CAMK1D: variants seen among roughly 807,000 people sequenced by gnomAD.
CAMK1D encodes the protein calcium/calmodulin dependent protein kinase ID, also known as calcium/calmodulin-dependent protein kinase type 1D.
In CAMK1D, 9 loss-of-function variants were observed where a neutral mutation model predicts 47.7. The ratio of observed to expected loss-of-function variants is 0.19; its 90% CI spans 0.11 to 0.33. The LOEUF (loss-of-function observed/expected upper bound fraction) is 0.33. Ranked by LOEUF, CAMK1D falls within the 10% of genes least tolerant of loss-of-function variation. CAMK1D has a pLI of 1.00. For synonymous variants in CAMK1D, 184 were observed against 184.9 expected (o/e 0.99, Z 0.04); for missense variants, 291 against 488.7 (o/e 0.60, Z 3.81).
chr10:12,423,973 TCCCTCATCAGGTGATA>T (rs1840142027), intron 1 of CAMK1D, among the ~76,000 whole-genome samples: 1 of 152,186 alleles, frequency 6.6e-6, no homozygotes, highest in Non-Finnish European at 1.5e-5. Flanking sequence ...GGTCCCCCCA[TCCCTCATCAGGTGATA>T]CCCTTCAAGG....
At chr10:12,714,459 G>A (rs972185625) in intron 3 of CAMK1D, among the ~76,000 whole-genome samples, 2 of 152,000 alleles carry the variant, frequency 1.3e-5, no homozygotes, top group African/African-American at 4.8e-5. Flanking sequence ...GGTGGCTCAC[G>A]CCTGTAATCC....
chr10:12,648,631 T>C (rs1293183524), intron 2 of CAMK1D, among the ~76,000 whole-genome samples: 2 of 151,984 alleles, frequency 1.3e-5, no homozygotes, highest in Non-Finnish European at 2.9e-5. Context: ...CCACCATGCC[T>C]GGCTAATTTT....
intron 4 of CAMK1D, among the ~76,000 whole-genome samples, chr10:12,767,251 C>T (rs11257980): frequency 0.25 from 38,180 of 152,052 alleles, 5,430 homozygotes; most frequent in Middle Eastern, 0.38. Flanking sequence ...ACTATCGGCT[C>T]ACTGCAACCT....
intron 1 of CAMK1D, among the ~76,000 whole-genome samples, chr10:12,522,622 C>T (rs1220639389): frequency 4.6e-5 from 7 of 152,026 alleles, no homozygotes; most frequent in African/African-American, 1.7e-4. Context: ...CAGCAACCAT[C>T]TGATTGCTCA....
Position 12,829,108 on chromosome 10 carries a change from C to T in CAMK1D, c.*221C>T. 1 of 507,548 alleles carries T rather than the reference C, an allele frequency of 2.0e-6. No individual in the cohort carries two copies. Among genetic ancestry groups the T allele is most frequent in the South Asian group, 2.5e-5 (1 of 39,834 alleles). The allele number at this position is 507,548 out of a possible 1,614,324, so 31.4% of individuals were successfully genotyped here. On this transcript the variant is annotated 3_prime_UTR_variant, in exon 11 of 11. Transcript: ENST00000619168. ...TCGAGGGGCGCTGATTTCATAGGAT[C>T]TGGTGCTGTATATACGAATCTTGCA...
chr10:12,788,313 C>T (rs114565552), intron 5 of CAMK1D, among the ~76,000 whole-genome samples: 298 of 152,264 alleles, frequency 2.0e-3, no homozygotes, highest in African/African-American at 7.0e-3. Context: ...GAGGTTGTGC[C>T]CTGAAGTTTG....
chr10:12,594,051 C>T (rs1402937850), intron 2 of CAMK1D, among the ~76,000 whole-genome samples: 1 of 152,188 alleles, frequency 6.6e-6, no homozygotes, highest in African/African-American at 2.4e-5. Context: ...TGGCACATGC[C>T]TGTAATCCCA....
chr10:12,474,924 C>T (rs973518813), intron 1 of CAMK1D, among the ~76,000 whole-genome samples: 2 of 151,706 alleles, frequency 1.3e-5, no homozygotes, highest in Admixed American at 6.6e-5. Context: ...CTGCAAAGGA[C>T]ATGATCTTGT....
At chr10:12,699,254 G>T (rs1588816412) in intron 3 of CAMK1D, among the ~76,000 whole-genome samples, 1 of 152,174 alleles carries the variant, frequency 6.6e-6, no homozygotes, top group African/African-American at 2.4e-5. Context: ...AAAATGCCTT[G>T]AGTGTCCAAA....
chr10:12,828,458 T>C (rs1051104600), intron 10 of CAMK1D, among the ~76,000 whole-genome samples: 2 of 151,984 alleles, frequency 1.3e-5, no homozygotes, highest in Non-Finnish European at 2.9e-5. Context: ...CTGGCCAACA[T>C]GGTGAAACCC....
At chr10:12,749,125 G>T (rs531533555) in intron 3 of CAMK1D, among the ~76,000 whole-genome samples, 1 of 152,180 alleles carries the variant, frequency 6.6e-6, no homozygotes, top group African/African-American at 2.4e-5. Flanking sequence ...CTGGAAGACA[G>T]CTCCTAAATT....
intron 1 of CAMK1D, among the ~76,000 whole-genome samples, chr10:12,363,361 TCTC>T (rs1837737154): frequency 6.6e-6 from 1 of 152,050 alleles, no homozygotes; most frequent in East Asian, 1.9e-4. Context: ...TTCCAGCAAT[TCTC>T]CTGCCTCAAC....
At chr10:12,737,689 T>G (rs1835248798) in intron 3 of CAMK1D, among the ~76,000 whole-genome samples, 2 of 152,334 alleles carry the variant, frequency 1.3e-5, no homozygotes, top group South Asian at 4.1e-4. Context: ...TTTGTATCGT[T>G]GAAAATTATC....
At chr10:12,627,697 T>C (rs1300523161) in intron 2 of CAMK1D, among the ~76,000 whole-genome samples, 1 of 152,242 alleles carries the variant, frequency 6.6e-6, no homozygotes, top group Admixed American at 6.5e-5. Flanking sequence ...TCATTCATGC[T>C]GTTGGGATTG....
chr10:12,722,445 TCAAAAAAAAAA>T (rs1834432677), intron 3 of CAMK1D, among the ~76,000 whole-genome samples: 1 of 3,110 alleles, frequency 3.2e-4, no homozygotes, highest in African/African-American at 5.3e-4. Flanking sequence ...AGACTCCGCC[TCAAAAAAAAAA>T]AAAAAAAAAA....
intron 2 of CAMK1D, among the ~76,000 whole-genome samples, chr10:12,616,112 ATGTGGG>A (rs1172499008): frequency 1.3e-5 from 2 of 151,366 alleles, no homozygotes; most frequent in East Asian, 3.9e-4. Flanking sequence ...GCGTGTGTGT[ATGTGGG>A]TGTGTATATG....
At chr10:12,425,409 G>A (rs1840197170) in intron 1 of CAMK1D, among the ~76,000 whole-genome samples, 1 of 151,836 alleles carries the variant, frequency 6.6e-6, no homozygotes, top group Non-Finnish European at 1.5e-5. Context: ...AGCTTCCTGA[G>A]TAGCTGAGAC....
rs1448366165 is a variant in CAMK1D, at chr10:12,834,458, C to A, written c.*5571C>A. The A allele has an allele frequency of 1.3e-5, 2 of 151,994 alleles. No individual in the cohort carries two copies. The highest frequency in any genetic ancestry group is 4.8e-5 in the African/African-American group (2 of 41,388). 9.4% of individuals were successfully genotyped at this position (151,994 alleles called of 1,614,324 possible). A position where few individuals can be genotyped will look rare whatever the true frequency, so the allele number is the denominator to read the frequency against. On this transcript the variant is annotated 3_prime_UTR_variant, in exon 11 of 11. Coordinates refer to ENST00000619168, the MANE Select transcript of CAMK1D (RefSeq NM_153498.4). Reference sequence around the variant, plus strand: ...AGGCTGTGCATTTGGAAGCCAAACGCTCAGCATGCGGCTGCCGAGTCTGGT... The same window carrying A: ...AGGCTGTGCATTTGGAAGCCAAACGATCAGCATGCGGCTGCCGAGTCTGGT...
intron 1 of CAMK1D, among the ~76,000 whole-genome samples, chr10:12,504,108 GGTGTGTGTGTGTGTGTGTGTCTGTGT>G (rs1481149332): frequency 1.4e-5 from 2 of 147,640 alleles, no homozygotes; most frequent in South Asian, 2.2e-4. Flanking sequence ...CAATAAGATG[GGTGTGTGTGTGTGTGTGTGTCTGTGT>G]GTGTGTGTGT....
Sources: allele counts gnomAD v4.1 joint callset (sites outside exome capture counted in the v4.1 genomes callset), GRCh38; gene constraint gnomAD v4.1.1; transcripts MANE v1.5; gene names NCBI Gene and HGNC (gene_info 2026-07-23, HGNC 2026-07-21).